Variants in RAPGEF3 observed in about 807,000 individuals in gnomAD.
The protein encoded by RAPGEF3 is 9330170P05Rik.
Under a neutral mutation model 129.8 loss-of-function variants are expected in RAPGEF3, and 103 were observed. That is an observed-to-expected ratio of 0.79 (90% CI 0.68 to 0.93). The LOEUF is 0.93. Ranked by LOEUF, RAPGEF3 falls within the 40% of genes least tolerant of loss-of-function variation. The pLI is 0.00. For missense variants in RAPGEF3, 1,117 were observed against 1,207.4 expected (o/e 0.93, Z 1.11); for synonymous variants, 436 against 482.6 (o/e 0.90, Z 1.26).
rs1345211609 is a variant in RAPGEF3, at chr12:47,735,646, G to A, written c.*1921C>T. 1 of 152,354 alleles carries A rather than the reference G, an allele frequency of 6.6e-6. No homozygotes were observed. The highest frequency in any genetic ancestry group is 1.5e-5 in the Non-Finnish European group (1 of 68,136). 9.4% of individuals were successfully genotyped at this position (152,354 alleles called of 1,614,324 possible). ...GTAAAGCTGATGGTCCAAGGAGGAGGGAGAAGTCCCATCAGGACGTAGATG... is the reference window on the plus strand; with the variant it reads ...GTAAAGCTGATGGTCCAAGGAGGAGAGAGAAGTCCCATCAGGACGTAGATG... On this transcript the variant is annotated 3_prime_UTR_variant, in exon 28 of 28. Transcript: ENST00000449771.
chr12:47,740,028 G>A (rs1941046001), intron 23 of RAPGEF3, 113 bp downstream of exon 23: 2 of 1,325,788 alleles, frequency 1.5e-6, no homozygotes. Context: ...CCCTGAAAGT[G>A]ACAAAGGACG....
chr12:47,754,074 T>C (rs1250455331), intron 2 of RAPGEF3: 1 of 152,180 alleles, frequency 6.6e-6, no homozygotes, highest in Non-Finnish European at 1.5e-5. Flanking sequence ...ACCCCAGAGG[T>C]AGGTATTTGT....
In RAPGEF3 at chr12:47,744,086, G is replaced by C. The variant is rs545552482; in HGVS notation, c.1597-18C>G. The stretch of plus-strand genomic sequence containing the variant: ...TTCCGGGCCTGGGAGGAAGAGGAAC[G>C]AGAAAATAAGGCTGGGAGGACATGA... On this transcript the variant is annotated intron_variant, in intron 16 of 27. Coordinates refer to ENST00000449771, the MANE Select transcript of RAPGEF3 (RefSeq NM_001098531.4). 1 of 1,558,610 alleles carries C rather than the reference G, an allele frequency of 6.4e-7. No individual in the cohort carries two copies. The highest frequency in any genetic ancestry group is 1.1e-5 in the South Asian group (1 of 89,242).
intron 2 of RAPGEF3, among the ~76,000 whole-genome samples, chr12:47,753,104 AC>A (rs969462807): frequency 6.6e-6 from 1 of 152,220 alleles, no homozygotes. Flanking sequence ...TTTACAAAGC[AC>A]AATCGCCCCC....
chr12:47,756,990 G>T lies in RAPGEF3; in HGVS notation c.219+876C>A, dbSNP rs1274569214. Among the ~76,000 whole-genome samples, 4 of 151,364 alleles carry T rather than the reference G, an allele frequency of 2.6e-5. No homozygotes were observed. The East Asian group carries it at 7.7e-4, about 29-fold the overall frequency. ...TTAAAAAAAAAAAAAAGAAAGAAAA[G>T]AAAAAAGAAATGAACTCTCCCGGCC... is the stretch of plus-strand genomic sequence containing the variant. On this transcript the variant is annotated intron_variant, in intron 2 of 27. Coordinates refer to ENST00000449771, the MANE Select transcript of RAPGEF3 (RefSeq NM_001098531.4).
intron 15 of RAPGEF3, 74 bp downstream of exon 15, chr12:47,747,470 C>G: frequency 1.3e-6 from 2 of 1,487,918 alleles, no homozygotes; most frequent in African/African-American, 1.4e-5. Context: ...GTGCTTGACT[C>G]CAGAGCGTAT....
intron 2 of RAPGEF3, chr12:47,752,740 A>T (rs936125508): frequency 1.6e-4 from 25 of 152,358 alleles, no homozygotes; most frequent in African/African-American, 6.0e-4. Flanking sequence ...GCTAGTACTC[A>T]TCTGTGAGGC....
chr12:47,738,359 A>G, intron 25 of RAPGEF3, 112 bp from the exon 26 acceptor site: 3 of 1,409,212 alleles, frequency 2.1e-6, no homozygotes, highest in Non-Finnish European at 3.0e-6. Context: ...GGACTGTAAG[A>G]TCCTTGGTTA....
intron 24 of RAPGEF3, 171 bp downstream of exon 24, chr12:47,738,972 C>A: frequency 1.4e-6 from 1 of 701,992 alleles, no homozygotes. Flanking sequence ...CTAAGAACTC[C>A]TAATTCATCT....
At position 47,741,639 on chromosome 12, in the gene RAPGEF3, G is replaced by A. The variant is rs58188868; in HGVS notation, c.1826-37C>T. The A allele has an allele frequency of 5.8e-4, 902 of 1,547,346 alleles. 14 individuals carry two copies. In the East Asian group the frequency reaches 0.017, roughly 29 times the overall value. ...GCAGAGGCGGACTGGGTGGGGGAAGGGAGGGAGGCCGGGGACCAGCTGGAT... is the reference window on the plus strand; with the variant it reads ...GCAGAGGCGGACTGGGTGGGGGAAGAGAGGGAGGCCGGGGACCAGCTGGAT... On this transcript the variant is annotated intron_variant, in intron 18 of 27. Coordinates refer to ENST00000449771, the MANE Select transcript of RAPGEF3 (RefSeq NM_001098531.4).
chr12:47,757,799 C>T, intron 2 of RAPGEF3, 67 bp downstream of exon 2: 3 of 1,430,518 alleles, frequency 2.1e-6, no homozygotes, highest in Non-Finnish European at 2.8e-6. Flanking sequence ...GCATGCCAAG[C>T]CATGATCTAG....
intron 1 of RAPGEF3, 166 bp from the exon 2 acceptor site, chr12:47,758,244 C>G (rs1942217856): frequency 3.5e-6 from 5 of 1,433,702 alleles, no homozygotes; most frequent in Non-Finnish European, 2.7e-6. Context: ...AAGACCTTCA[C>G]TGGGGCCTGC....
At position 47,747,961 on chromosome 12, in the gene RAPGEF3, G is replaced by A. The variant is rs1592557001; in HGVS notation, c.1323-99C>T. On this transcript the variant is annotated intron_variant, in intron 13 of 27. Coordinates refer to ENST00000449771, the MANE Select transcript of RAPGEF3 (RefSeq NM_001098531.4). ...CAGGGCCCCTGGCAAGCTGGGCCTGGCAGCAGGCTGGCATTTAAAGGGCTC... is the reference window on the plus strand; with the variant it reads ...CAGGGCCCCTGGCAAGCTGGGCCTGACAGCAGGCTGGCATTTAAAGGGCTC... 2.5e-6 allele frequency: 4 copies of A among 1,580,920 alleles called. No individual in the cohort carries two copies. In the East Asian group the frequency reaches 9.0e-5, roughly 36 times the overall value.
At chr12:47,740,001 TG>T in intron 23 of RAPGEF3, 139 bp downstream of exon 23, 3 of 1,058,278 alleles carry the variant, frequency 2.8e-6, no homozygotes, top group East Asian at 5.2e-5. Flanking sequence ...AGCTAGGCCC[TG>T]GGCCGAGGTT....
chr12:47,751,814 C>T lies in RAPGEF3; in HGVS notation c.289G>A (p.Val97Met). 2 of 1,614,174 alleles carry T rather than the reference C, an allele frequency of 1.2e-6. No individual in the cohort carries two copies. The highest frequency in any genetic ancestry group is 1.7e-6 in the Non-Finnish European group (2 of 1,180,014). Residue 97 changes from valine (V) to methionine (M), a missense_variant, in exon 4 of 28, where the codon GTG becomes ATG. By Grantham distance (21) the Val-to-Met change is conservative (BLOSUM62 1). Transcript: ENST00000449771. ...TGCAGCTGCCTCCCAGCCCTGAGCA[C>T]CCGCTCTGTGGAGGCCTTAGAGGGA... is the stretch of plus-strand genomic sequence containing the variant. ...ESLEQASTER[V>M]LRAGRQLHRH...
Position 47,750,478 on chromosome 12 carries a change from G to T in RAPGEF3, c.672-53C>A. On this transcript the variant is annotated intron_variant, in intron 6 of 27. Transcript: ENST00000449771. ...ACTGTGAACTGTGGGCCCGTCAGGTGCAGGGAGCCACTCCACCCACCCAGC... is the reference window on the plus strand; with the variant it reads ...ACTGTGAACTGTGGGCCCGTCAGGTTCAGGGAGCCACTCCACCCACCCAGC... 2.0e-6 allele frequency: 3 copies of T among 1,509,914 alleles called. No individual in the cohort carries two copies. The South Asian group carries it at 3.6e-5, about 18-fold the overall frequency. 93.5% of individuals were successfully genotyped at this position (1,509,914 alleles called of 1,614,324 possible). A position where few individuals can be genotyped will look rare whatever the true frequency, so the allele number is the denominator to read the frequency against.
At chr12:47,747,269 G>C (rs1435476173) in intron 15 of RAPGEF3, among the ~76,000 whole-genome samples, 2 of 152,140 alleles carry the variant, frequency 1.3e-5, no homozygotes, top group East Asian at 1.9e-4. Flanking sequence ...TGGCACTGAG[G>C]GTATTTGGTA....
chr12:47,753,017 C>T (rs1029258572), intron 2 of RAPGEF3, among the ~76,000 whole-genome samples: 2 of 152,222 alleles, frequency 1.3e-5, no homozygotes, highest in Admixed American at 1.3e-4. Flanking sequence ...GGTTTGTGGA[C>T]ATCTCTGGAC....
chr12:47,757,012 G>A (rs571066176), intron 2 of RAPGEF3, among the ~76,000 whole-genome samples: 6 of 151,958 alleles, frequency 3.9e-5, no homozygotes, highest in South Asian at 2.1e-4. Context: ...GAACTCTCCC[G>A]GCCAAGCGCA....
Sources: gnomAD v4.1 joint callset for allele counts (sites outside exome capture counted in the v4.1 genomes callset) on GRCh38, gnomAD v4.1.1 for gene constraint, MANE v1.5 for transcripts, NCBI Gene and HGNC (gene_info 2026-07-23, HGNC 2026-07-21) for gene names.